RIMOC1: variants seen among roughly 807,000 people sequenced by gnomAD.
RIMOC1 encodes the protein RAB7A interacting MON1-CCZ1 complex subunit 1.
the RIMOC1 span, among the ~76,000 whole-genome samples, chr5:41,905,104 G>T: frequency 1.4e-4 from 22 of 152,178 alleles, no homozygotes; most frequent in Non-Finnish European, 2.9e-4. Context: ...TTTTCATTAC[G>T]TCTCAGCTGC....
the RIMOC1 span, among the ~76,000 whole-genome samples, chr5:41,915,188 A>ATTAAAAGATTAATCTT: frequency 1.3e-5 from 2 of 152,242 alleles, no homozygotes; most frequent in African/African-American, 4.8e-5. Flanking sequence ...ATCTTTGGAC[A>ATTAAAAGATTAATCTT]TGGCCTTATC....
chr5:41,911,318 CAT>C, the RIMOC1 span: 1 of 708,020 alleles, frequency 1.4e-6, no homozygotes, highest in Non-Finnish European at 2.1e-6. Flanking sequence ...GCTGGGTAAT[CAT>C]AAATAAATTG....
the RIMOC1 span, chr5:41,916,992 T>G: frequency 6.4e-7 from 1 of 1,555,978 alleles, no homozygotes; most frequent in African/African-American, 1.4e-5. Context: ...AATTCTAATC[T>G]GTCAACCTAA....
the RIMOC1 span, among the ~76,000 whole-genome samples, chr5:41,914,658 T>G: frequency 9.3e-5 from 14 of 151,098 alleles, no homozygotes; most frequent in Admixed American, 9.2e-4. Flanking sequence ...TAGTTCCAGC[T>G]ACATGGCAGG....
chr5:41,904,942 A>G, the RIMOC1 span, among the ~76,000 whole-genome samples: 1 of 152,322 alleles, frequency 6.6e-6, no homozygotes, highest in Non-Finnish European at 1.5e-5. Context: ...GAAGAGCTTT[A>G]CATTGGTGTG....
the RIMOC1 span, chr5:41,904,595 G>A: frequency 2.1e-5 from 17 of 813,506 alleles, no homozygotes; most frequent in East Asian, 4.6e-4. Flanking sequence ...GGTTACCCGA[G>A]GTCTGTCGCT....
the RIMOC1 span, chr5:41,916,323 C>A: frequency 1.3e-6 from 1 of 765,278 alleles, no homozygotes; most frequent in Non-Finnish European, 1.6e-6. Context: ...TGTCTTTCTG[C>A]CAAATTAATA....
the RIMOC1 span, among the ~76,000 whole-genome samples, chr5:41,909,537 C>T: frequency 6.6e-6 from 1 of 152,068 alleles, no homozygotes; most frequent in African/African-American, 2.4e-5. Flanking sequence ...TAATTCAGCA[C>T]TTTAGTGAAA....
At chr5:41,918,714 G>A in the RIMOC1 span, 28 of 985,400 alleles carry the variant, frequency 2.8e-5, no homozygotes, top group Non-Finnish European at 3.4e-5. Context: ...TCCCGCTGTG[G>A]CTGAGCCAAA....
At chr5:41,918,720 C>T in the RIMOC1 span, 2 of 985,362 alleles carry the variant, frequency 2.0e-6, no homozygotes, top group Non-Finnish European at 2.4e-6. Context: ...TGTGGCTGAG[C>T]CAAACTTCAT....
chr5:41,908,276 CA>C, the RIMOC1 span: 1 of 126,044 alleles, frequency 7.9e-6, no homozygotes, highest in East Asian at 1.9e-4. Flanking sequence ...TCTATTCACC[CA>C]CTTTTTTTTT....
chr5:41,915,178 A>G, the RIMOC1 span, among the ~76,000 whole-genome samples: 1 of 152,164 alleles, frequency 6.6e-6, no homozygotes, highest in Admixed American at 6.5e-5. Context: ...GAGAATTTTA[A>G]TCTTTGGACA....
chr5:41,918,761 A>G, the RIMOC1 span: 1 of 985,132 alleles, frequency 1.0e-6, no homozygotes, highest in Non-Finnish European at 1.2e-6. Flanking sequence ...CCCCTCCCCT[A>G]GCATATGGCT....
At chr5:41,910,971 A>G in the RIMOC1 span, 4 of 1,518,898 alleles carry the variant, frequency 2.6e-6, no homozygotes. Context: ...TTAATCGATG[A>G]GTTTTTGAAA....
chr5:41,913,597 A>C, the RIMOC1 span, among the ~76,000 whole-genome samples: 1 of 152,204 alleles, frequency 6.6e-6, no homozygotes, highest in Non-Finnish European at 1.5e-5. Context: ...ACTTCATCTG[A>C]AGTTTTGATG....
At chr5:41,918,690 G>A in the RIMOC1 span, 1 of 985,368 alleles carries the variant, frequency 1.0e-6, no homozygotes, top group Non-Finnish European at 1.2e-6. Flanking sequence ...TACTAGGGTG[G>A]CCTCTCTCCC....
At chr5:41,906,609 G>A in the RIMOC1 span, among the ~76,000 whole-genome samples, 1 of 152,140 alleles carries the variant, frequency 6.6e-6, no homozygotes, top group East Asian at 1.9e-4. Context: ...TCACTTCTGG[G>A]CTAATGAGAG....
the RIMOC1 span, chr5:41,921,614 A>C: frequency 6.6e-6 from 1 of 152,152 alleles, no homozygotes; most frequent in Non-Finnish European, 1.5e-5. Flanking sequence ...ACATTTTTAA[A>C]AAAATAAAAC....
At chr5:41,910,992 A>C in the RIMOC1 span, 1 of 1,572,330 alleles carries the variant, frequency 6.4e-7, no homozygotes, top group East Asian at 2.3e-5. Context: ...TTTAACTTCA[A>C]CTTTTATAGA....
Sources: gnomAD v4.1 joint callset for allele counts (sites outside exome capture counted in the v4.1 genomes callset) on GRCh38, gnomAD v4.1.1 for gene constraint, MANE v1.5 for transcripts, NCBI Gene and HGNC (gene_info 2026-07-23, HGNC 2026-07-21) for gene names.